The following PAM variants were observed in gnomAD, a reference collection of about 807,000 sequenced individuals.
The protein encoded by PAM is peptidyl-glycine alpha-amidating monooxygenase.
PAM carries 72 observed loss-of-function variants against 122.1 expected under a neutral mutation model. That is an observed-to-expected ratio of 0.59 (90% CI 0.49 to 0.72). The LOEUF (loss-of-function observed/expected upper bound fraction) is 0.72, where lower values mean the gene tolerates loss of function less well. Among genes scored for constraint, PAM ranks in the 30% least tolerant of loss-of-function variants. PAM has a pLI of 0.00. For missense variants in PAM, 1,106 were observed against 1,183.7 expected (o/e 0.93, Z 0.96); for synonymous variants, 389 against 404.4 (o/e 0.96, Z 0.46).
chr5:102,867,340 G>A lies in PAM; in HGVS notation c.157G>A (p.Asp53Asn), dbSNP rs979885641. 22 of 1,605,760 alleles carry A rather than the reference G, an allele frequency of 1.4e-5. No homozygotes were observed. The highest frequency in any genetic ancestry group is 2.2e-5 in the East Asian group (1 of 44,780). Residue 53 changes from aspartate to asparagine, a missense_variant, in exon 3 of 26, where the codon GAT (aspartate) becomes AAT (asparagine). Asp to Asn is a conservative substitution (Grantham distance 23). Transcript: ENST00000438793. ...TACCACCAGACCCGTAGTTCCTATT[G>A]ATTCATCAGATTTTGCATTGGATAT... is the stretch of plus-strand genomic sequence containing the variant. Reference protein sequence around the residue: ...LGTTRPVVPIDSSDFALDIRM... With the variant: ...LGTTRPVVPINSSDFALDIRM...
chr5:102,871,343 C>T (rs754956990), intron 3 of PAM, among the ~76,000 whole-genome samples: 1 of 152,080 alleles, frequency 6.6e-6, no homozygotes, highest in African/African-American at 2.4e-5. Flanking sequence ...TGTGAATGCA[C>T]CTTGACACTA....
chr5:102,906,972 A>T (rs1799760130), intron 4 of PAM, among the ~76,000 whole-genome samples: 1 of 151,692 alleles, frequency 6.6e-6, no homozygotes, highest in South Asian at 2.1e-4. Flanking sequence ...TGATTCTTTG[A>T]TATATATCAT....
intron 4 of PAM, among the ~76,000 whole-genome samples, chr5:102,902,501 G>T (rs376483459): frequency 4.6e-5 from 7 of 151,592 alleles, no homozygotes; most frequent in Middle Eastern, 3.4e-3. Context: ...ACATTACCAA[G>T]AAAAAGTTAG....
rs530320909 is a variant in PAM, at chr5:103,016,123, GCT to G, written c.2332-1208_2332-1207del. Among the ~76,000 whole-genome samples the G allele has an allele frequency of 3.8e-3, 576 of 152,144 alleles. 5 individuals carry two copies. Among genetic ancestry groups the G allele is most frequent in the Non-Finnish European group, 5.1e-3 (348 of 68,002 alleles). On this transcript the variant is annotated intron_variant, in intron 21 of 25. Coordinates refer to ENST00000438793, the MANE Select transcript of PAM (RefSeq NM_001177306.2). ...CAGCAAGGCAGCATTTTGATTTCTG[GCT>G]CTGTGTTTTCCTCTACATATTTGTC... is the stretch of plus-strand genomic sequence containing the variant.
chr5:103,010,497 A>G (rs1265576272), intron 21 of PAM, among the ~76,000 whole-genome samples: 1 of 152,186 alleles, frequency 6.6e-6, no homozygotes, highest in Non-Finnish European at 1.5e-5. Flanking sequence ...ACTCTGCAGT[A>G]TGATTGCCAG....
chr5:102,767,485 GTTTAAAAGTTTCACCAT>G (rs561726808), intron 1 of PAM, among the ~76,000 whole-genome samples: 2 of 152,286 alleles, frequency 1.3e-5, no homozygotes, highest in Admixed American at 1.3e-4. Context: ...TGGCTTGCCA[GTTTAAAAGTTTCACCAT>G]TTTAAGTTTC....
rs1757705654 is a variant in PAM at position 102,948,427 on chromosome 5, A to G, written c.625A>G (p.Ile209Val). The G allele has an allele frequency of 1.3e-6, 2 of 1,572,582 alleles. No homozygotes were observed. Among genetic ancestry groups the G allele is most frequent in the Non-Finnish European group, 1.7e-6 (2 of 1,144,018 alleles). ...MYLMMSVDTV[I>V]PAGEKVVNSD... ...CCTTATGATGTCTGTTGACACTGTT[A>G]TCCCAGCAGGAGAAAAAGGTGAGTA... The change falls in exon 9 of 26, where the codon ATC (isoleucine) becomes GTC (valine). Residue 209 changes from isoleucine (I) to valine (V), a missense_variant. This residue lies in a region of PAM where 670 missense variants were observed against 690.3 expected (regional missense o/e 0.97). Transcript: ENST00000438793.
chr5:102,840,921 T>G (rs1280038458), intron 1 of PAM, among the ~76,000 whole-genome samples: 1 of 152,120 alleles, frequency 6.6e-6, no homozygotes. Flanking sequence ...GTGATGAAGG[T>G]GAAAGGGGAA....
intron 1 of PAM, among the ~76,000 whole-genome samples, chr5:102,846,320 A>T (rs1417128033): frequency 1.3e-5 from 2 of 152,140 alleles, no homozygotes; most frequent in African/African-American, 4.8e-5. Flanking sequence ...ATGGATCACG[A>T]GGTCCTTTGT....
intron 1 of PAM, among the ~76,000 whole-genome samples, chr5:102,814,753 C>T (rs1769168960): frequency 6.6e-6 from 1 of 151,694 alleles, no homozygotes; most frequent in African/African-American, 2.4e-5. Context: ...GTATATTTTT[C>T]TTAAAATTCT....
rs879894761 is a variant in PAM at position 102,977,670 on chromosome 5, A to G, written c.1483+3234A>G. ...CACATGCATGTGCGCACACACACAC[A>G]CACACACACACACACACACACACAC... On this transcript the variant is annotated intron_variant, in intron 15 of 25. Coordinates refer to ENST00000438793, the MANE Select transcript of PAM (RefSeq NM_001177306.2). 9.2e-3 allele frequency among the ~76,000 whole-genome samples: 1,212 copies of G among 131,362 alleles called. 9 individuals are homozygous for G. Among genetic ancestry groups the G allele is most frequent in the Middle Eastern group, 0.025 (7 of 280 alleles). 86.2% of individuals were successfully genotyped at this position (131,362 alleles called of 152,430 possible).
At chr5:102,780,772 TTTCTTTCTTTC>T (rs1383317598) in intron 1 of PAM, among the ~76,000 whole-genome samples, 1 of 114,358 alleles carries the variant, frequency 8.7e-6, no homozygotes, top group African/African-American at 3.5e-5. Flanking sequence ...TCTTTCTTTC[TTTCTTTCTTTC>T]TTTCTTTCTT....
rs532421943 is a variant in PAM, at chr5:103,016,080, G to T, written c.2332-1254G>T. Among the ~76,000 whole-genome samples the T allele has an allele frequency of 2.0e-5, 3 of 152,248 alleles. No homozygotes were observed. The South Asian group carries it at 6.2e-4, about 32-fold the overall frequency. ...CTCCCAAAAAAGATGAACATTTAAT[G>T]ACAAGCCCGCAGGATTTCAGCAAGG... is the stretch of plus-strand genomic sequence containing the variant. On this transcript the variant is annotated intron_variant, in intron 21 of 25. Coordinates refer to ENST00000438793, the MANE Select transcript of PAM (RefSeq NM_001177306.2).
intron 22 of PAM, 93 bp from the exon 23 acceptor site, chr5:103,019,697 T>C: frequency 8.5e-6 from 7 of 822,196 alleles, no homozygotes; most frequent in Admixed American, 1.9e-5. Context: ...TAAGGAAATA[T>C]TTTCTACTGA....
intron 1 of PAM, among the ~76,000 whole-genome samples, chr5:102,825,298 C>T (rs1039531355): frequency 6.6e-6 from 1 of 152,152 alleles, no homozygotes; most frequent in Non-Finnish European, 1.5e-5. Flanking sequence ...ACCTTTACTT[C>T]AACATCGCTG....
At chr5:102,803,199 AAGGAAGGAAAGAAG>A in intron 1 of PAM, among the ~76,000 whole-genome samples, 8 of 118,414 alleles carry the variant, frequency 6.8e-5, no homozygotes, top group African/African-American at 1.2e-4. Context: ...GGAAGGAAGG[AAGGAAGGAAAGAAG>A]GAAGGAAGGA....
intron 15 of PAM, among the ~76,000 whole-genome samples, chr5:102,984,536 G>T (rs772281359): frequency 3.9e-5 from 6 of 152,106 alleles, no homozygotes; most frequent in South Asian, 4.1e-4. Context: ...TCAGCAAGAG[G>T]ATATACCAGT....
intron 1 of PAM, among the ~76,000 whole-genome samples, chr5:102,848,267 A>T (rs186979350): frequency 6.6e-6 from 1 of 151,578 alleles, no homozygotes; most frequent in Non-Finnish European, 1.5e-5. Flanking sequence ...TCTCCTGATT[A>T]TTTTGGGGAA....
chr5:102,924,851 T>C (rs1271694230), intron 5 of PAM, 106 bp from the exon 6 acceptor site: 5 of 689,666 alleles, frequency 7.2e-6, no homozygotes, highest in Non-Finnish European at 1.3e-5. Flanking sequence ...GATATATTGA[T>C]GTACTTTGGT....
Sources: gnomAD v4.1 joint callset for allele counts (sites outside exome capture counted in the v4.1 genomes callset) on GRCh38, gnomAD v4.1.1 for gene constraint, gnomAD v4.1.1 regional missense constraint, MANE v1.5 for transcripts, NCBI Gene and HGNC (gene_info 2026-07-23, HGNC 2026-07-21) for gene names.